WNK2: variants seen among roughly 807,000 people sequenced by gnomAD.
WNK2 encodes WNK lysine deficient protein kinase 2, also known as serine/threonine-protein kinase WNK2.
Under a neutral mutation model 192.1 loss-of-function variants are expected in WNK2, and 67 were observed. The ratio of observed to expected loss-of-function variants is 0.35; its 90% confidence interval spans 0.29 to 0.43. The LOEUF (loss-of-function observed/expected upper bound fraction) is 0.43, where lower values mean the gene tolerates loss of function less well. Among genes scored for constraint, WNK2 ranks in the 20% least tolerant of loss-of-function variants. The probability of loss-of-function intolerance (pLI) is 1.00; values close to 1 mark genes in which losing one functional copy is unlikely to be tolerated. For synonymous variants in WNK2, 1,439 were observed against 1,393.9 expected (o/e 1.03, Z -0.72); for missense variants, 2,698 against 3,089.7 (o/e 0.87, Z 3.01).
Position 93,289,548 on chromosome 9 carries a change from C to G in WNK2, c.4794C>G (p.Cys1598Trp). ...LRGDQPRSEVCGGDLALPPVP... is the reference protein window; with the variant it reads ...LRGDQPRSEVWGGDLALPPVP... The stretch of plus-strand genomic sequence containing the variant: ...GGGACCAGCCCCGCTCAGAGGTCTG[C>G]GGGGGGGACCTGGCCCTGCCCCCAG... Residue 1598 changes from cysteine (C) to tryptophan (W), a missense_variant, in exon 20 of 30, where the codon TGC (cysteine) becomes TGG (tryptophan). Coordinates refer to ENST00000427277, the MANE Select transcript of WNK2 (RefSeq NM_006648.4). The G allele has an allele frequency of 6.4e-7, 1 of 1,567,166 alleles. No homozygotes were observed. Among genetic ancestry groups the G allele is most frequent in the East Asian group, 2.3e-5 (1 of 43,956 alleles).
chr9:93,263,456 AG>A (rs1844619554), intron 14 of WNK2, 109 bp from the exon 15 acceptor site: 6 of 1,401,012 alleles, frequency 4.3e-6, no homozygotes, highest in Non-Finnish European at 5.9e-6. Flanking sequence ...TGTAGGTCAC[AG>A]ATTTGGGCCC....
At chr9:93,258,906 T>C in intron 11 of WNK2, 25 bp from the exon 12 acceptor site, 4 of 1,590,988 alleles carry the variant, frequency 2.5e-6, no homozygotes, top group Admixed American at 1.7e-5. Context: ...GGGCCCACAC[T>C]GACACACTCC....
intron 16 of WNK2, among the ~76,000 whole-genome samples, chr9:93,265,510 G>A (rs764725466): frequency 6.6e-6 from 1 of 152,218 alleles, no homozygotes; most frequent in African/African-American, 2.4e-5. Flanking sequence ...TCAGGGAGGA[G>A]TCTTTGTCAG....
intron 13 of WNK2, 49 bp downstream of exon 13, chr9:93,262,156 A>T (rs371155440): frequency 2.6e-5 from 39 of 1,526,014 alleles, no homozygotes; most frequent in South Asian, 1.2e-4. Flanking sequence ...AGTTGCGGCC[A>T]CCGGGGATCT....
intron 28 of WNK2, among the ~76,000 whole-genome samples, chr9:93,315,303 C>T (rs1179773669): frequency 6.6e-6 from 1 of 152,176 alleles, no homozygotes; most frequent in Non-Finnish European, 1.5e-5. Flanking sequence ...GTAAGCTCAA[C>T]CTACTGAGCT....
intron 7 of WNK2, among the ~76,000 whole-genome samples, chr9:93,240,448 G>A (rs1564065217): frequency 6.6e-6 from 1 of 152,148 alleles, no homozygotes; most frequent in African/African-American, 2.4e-5. Flanking sequence ...CGGGTTGGGG[G>A]TACCTTTCCG....
chr9:93,308,907 T>A, intron 28 of WNK2: 4 of 1,188,802 alleles, frequency 3.4e-6, no homozygotes, highest in Non-Finnish European at 4.2e-6. Context: ...GTAGCCCTGG[T>A]CTTGGCAGAC....
At chr9:93,262,541 A>T in intron 13 of WNK2, 129 bp from the exon 14 acceptor site, 1 of 978,226 alleles carries the variant, frequency 1.0e-6, no homozygotes, top group South Asian at 1.4e-5. Flanking sequence ...TGCAGAAGAG[A>T]GCAGGAGAAC....
intron 8 of WNK2, among the ~76,000 whole-genome samples, chr9:93,248,318 C>T (rs1321268709): frequency 6.6e-6 from 1 of 152,206 alleles, no homozygotes; most frequent in African/African-American, 2.4e-5. Context: ...GATCTGTAAC[C>T]AGGAGATTAA....
At chr9:93,303,203 A>T (rs1319683706) in intron 26 of WNK2, among the ~76,000 whole-genome samples, 1 of 152,110 alleles carries the variant, frequency 6.6e-6, no homozygotes, top group Non-Finnish European at 1.5e-5. Context: ...TACAGGTGGG[A>T]GCCACCACAC....
intron 9 of WNK2, 98 bp downstream of exon 9, chr9:93,253,180 A>C: frequency 9.2e-7 from 1 of 1,083,214 alleles, no homozygotes; most frequent in Non-Finnish European, 1.2e-6. Context: ...TCCAGGCTGC[A>C]CTGCATTGTG....
At chr9:93,291,523 C>T (rs1849347519) in intron 21 of WNK2, among the ~76,000 whole-genome samples, 1 of 152,168 alleles carries the variant, frequency 6.6e-6, no homozygotes, top group African/African-American at 2.4e-5. Context: ...TCAGATGTTA[C>T]ATACGGCTTG....
rs2132818873 is a variant in WNK2, at chr9:93,257,938, A to G, written c.2382+799A>G. Among the ~76,000 whole-genome samples, 1 of 152,326 alleles carries G rather than the reference A, an allele frequency of 6.6e-6. No individual in the cohort carries two copies. Among genetic ancestry groups the G allele is most frequent in the Non-Finnish European group, 1.5e-5 (1 of 68,022 alleles). On this transcript the variant is annotated intron_variant, in intron 11 of 29. Coordinates refer to ENST00000427277, the MANE Select transcript of WNK2 (RefSeq NM_006648.4). The surrounding 1 kb of genome is among the most constrained non-coding windows in gnomAD (Gnocchi z 4.7). ...ACTCCCGAGGGCTTCGGTGACCCGG[A>G]CAGGCTGATCAGTGATAAGACTGGA...
rs1356753053 is a variant in WNK2, at chr9:93,207,317, G to A, written c.681+21707G>A. Among the ~76,000 whole-genome samples, 2 of 152,218 alleles carry A rather than the reference G, an allele frequency of 1.3e-5. 1 individual carries two copies. The highest frequency in any genetic ancestry group is 4.1e-4 in the South Asian group (2 of 4,834). ...GATAGCACTCCTAAGTTGCAGAGCCGTGGGTTTGACCTGCCCCAGATCTCT... is the reference window on the plus strand; with the variant it reads ...GATAGCACTCCTAAGTTGCAGAGCCATGGGTTTGACCTGCCCCAGATCTCT... On this transcript the variant is annotated intron_variant, in intron 2 of 29. Coordinates refer to ENST00000427277, the MANE Select transcript of WNK2 (RefSeq NM_006648.4).
chr9:93,234,379 A>G (rs1457118452), intron 4 of WNK2, among the ~76,000 whole-genome samples: 1 of 152,186 alleles, frequency 6.6e-6, no homozygotes, highest in Non-Finnish European at 1.5e-5. Context: ...TTGTGGCTTT[A>G]GGTAGCTCCG....
intron 26 of WNK2, among the ~76,000 whole-genome samples, chr9:93,304,796 T>C (rs1293981435): frequency 3.3e-5 from 5 of 152,160 alleles, no homozygotes; most frequent in Admixed American, 3.3e-4. Context: ...CCAGCCCAGT[T>C]GTCTGCAGTG....
At chr9:93,241,865 C>T (rs1588129052) in intron 7 of WNK2, among the ~76,000 whole-genome samples, 3 of 152,082 alleles carry the variant, frequency 2.0e-5, no homozygotes, top group South Asian at 2.1e-4. Flanking sequence ...GGACTTCCTG[C>T]AGCCGCGACC....
intron 14 of WNK2, among the ~76,000 whole-genome samples, chr9:93,263,079 C>T (rs964350730): frequency 6.6e-6 from 1 of 152,206 alleles, no homozygotes; most frequent in Non-Finnish European, 1.5e-5. Context: ...AGCCCCGATC[C>T]TGGGTTTCCT....
rs535457048 is a variant in WNK2 at position 93,213,581 on chromosome 9, G to A, written c.682-16115G>A. On this transcript the variant is annotated intron_variant, in intron 2 of 29. Transcript: ENST00000427277. Reference sequence around the variant, plus strand: ...GAGACTGGTGGATCACCTGAGATTGGGAGTTAAAGACCAGCCCAACCAACA... The same window carrying A: ...GAGACTGGTGGATCACCTGAGATTGAGAGTTAAAGACCAGCCCAACCAACA... 1.7e-4 allele frequency among the ~76,000 whole-genome samples: 26 copies of A among 152,296 alleles called. No individual in the cohort carries two copies. In the South Asian group the frequency reaches 5.4e-3, roughly 32 times the overall value.
Sources: gnomAD v4.1 joint callset for allele counts (sites outside exome capture counted in the v4.1 genomes callset) on GRCh38, gnomAD v4.1.1 for gene constraint, Gnocchi (gnomAD v3.1) non-coding constraint, MANE v1.5 for transcripts, NCBI Gene and HGNC (gene_info 2026-07-23, HGNC 2026-07-21) for gene names.